Variants in ADGRD2 observed in about 807,000 individuals in gnomAD.
ADGRD2 encodes the protein G protein-coupled receptor PGR24.
ADGRD2 carries 71 observed loss-of-function variants against 44.4 expected under a neutral mutation model. The observed-to-expected ratio is 1.60, with a 90% CI of 1.32 to 1.95. ADGRD2 has a LOEUF of 1.95. ADGRD2 is among the 30% of genes most tolerant of loss of function. ADGRD2 has a pLI of 0.00. For missense variants in ADGRD2, 1,039 were observed against 512.4 expected (o/e 2.03, Z -9.92); for synonymous variants, 481 against 224.8 (o/e 2.14, Z -10.19).
intron 19 of ADGRD2, 70 bp from the exon 23 acceptor site, chr9:124,476,287 T>C: frequency 3.1e-6 from 2 of 651,940 alleles, no homozygotes; most frequent in Non-Finnish European, 5.6e-6. Context: ...AGGGCCCCAC[T>C]CCCAGGATGG....
intron 7 of ADGRD2, 109 bp from the exon 11 acceptor site, chr9:124,457,363 G>A (rs1402853690): frequency 2.0e-5 from 9 of 453,920 alleles, no homozygotes; most frequent in Non-Finnish European, 3.1e-5. Flanking sequence ...AGGAATGGTG[G>A]CCTCCTAGGC....
intron 7 of ADGRD2, 21 bp from the exon 11 acceptor site, chr9:124,457,451 C>T: frequency 1.7e-6 from 1 of 582,210 alleles, no homozygotes; most frequent in Admixed American, 2.8e-5. Context: ...GGTCCAGCCA[C>T]CCAGCCCCAT....
chr9:124,468,022 AG>A (rs756259586), intron 12 of ADGRD2, 65 bp from the exon 16 acceptor site: 1 of 717,840 alleles, frequency 1.4e-6, no homozygotes, highest in Non-Finnish European at 2.6e-6. Context: ...CGGGCAGGAC[AG>A]GGCCCTACGG....
At position 124,454,967 on chromosome 9, in the gene ADGRD2, T is replaced by A. The variant is rs1239362701; in HGVS notation, c.1235T>A (p.Leu412Gln). Reference sequence around the variant, plus strand: ...GCTCCCCTGGGGCCGGCCGCACTGCTGGCTGTTGTCCGCTTCCTGAAGAGG... The same window carrying A: ...GCTCCCCTGGGGCCGGCCGCACTGCAGGCTGTTGTCCGCTTCCTGAAGAGG... Residue 412 changes from leucine (L) to glutamine (Q), a missense_variant, in exon 6 of 22, where the codon CTG (leucine) becomes CAG (glutamine). Leu to Gln is a moderately radical substitution (Grantham distance 113, BLOSUM62 -2). Transcript: ENST00000334810. The surrounding 1 kb of genome is among the most constrained non-coding windows in gnomAD (Gnocchi z 4.5). 2.8e-6 allele frequency: 2 copies of A among 718,138 alleles called. No homozygotes were observed. Among genetic ancestry groups the A allele is most frequent in the African/African-American group, 1.7e-5 (1 of 57,284 alleles). 44.5% of individuals were successfully genotyped at this position (718,138 alleles called of 1,614,324 possible).
chr9:124,454,988 A>T lies in ADGRD2; in HGVS notation c.1256A>T (p.Lys419Met), dbSNP rs998432337. 8 of 718,344 alleles carry T rather than the reference A, an allele frequency of 1.1e-5. No homozygotes were observed. The Middle Eastern group carries it at 6.9e-4, about 62-fold the overall frequency. 44.5% of individuals were successfully genotyped at this position (718,344 alleles called of 1,614,324 possible). A position where few individuals can be genotyped will look rare whatever the true frequency, so the allele number is the denominator to read the frequency against. ...CTGCTGGCTGTTGTCCGCTTCCTGAAGAGGGTGGTGGCCCTCGGGGCTGGG... is the reference window on the plus strand; with the variant it reads ...CTGCTGGCTGTTGTCCGCTTCCTGATGAGGGTGGTGGCCCTCGGGGCTGGG... Residue 419 changes from lysine (K) to methionine (M), a missense_variant, in exon 6 of 22, where the codon AAG becomes ATG. Physicochemically the swap from Lys to Met is moderately conservative, Grantham distance 95 (BLOSUM62 -1). Transcript: ENST00000334810. The surrounding 1 kb of genome is among the most constrained non-coding windows in gnomAD (Gnocchi z 4.5).
intron 19 of ADGRD2, among the ~76,000 whole-genome samples, chr9:124,476,088 G>A (rs1377130004): frequency 6.6e-6 from 1 of 152,168 alleles, no homozygotes; most frequent in Non-Finnish European, 1.5e-5. Flanking sequence ...TCCTGCAGAT[G>A]GTGAGTAAAT....
chr9:124,474,812 G>A (rs1832014416), intron 17 of ADGRD2, among the ~76,000 whole-genome samples: 1 of 152,180 alleles, frequency 6.6e-6, no homozygotes, highest in Admixed American at 6.5e-5. Context: ...CAGACCTGCT[G>A]TTAGGGTCAA....
At chr9:124,459,168 C>T (rs1165445800) in intron 10 of ADGRD2, among the ~76,000 whole-genome samples, 1 of 152,160 alleles carries the variant, frequency 6.6e-6, no homozygotes, top group African/African-American at 2.4e-5. Context: ...TAAAAATAAC[C>T]TAAATGTCCA....
At chr9:124,460,200 ATTTT>A (rs749872013) in intron 10 of ADGRD2, among the ~76,000 whole-genome samples, 1 of 128,468 alleles carries the variant, frequency 7.8e-6, no homozygotes, top group Non-Finnish European at 1.7e-5. Context: ...CCACGCTCTG[ATTTT>A]TTTTTTTTTT....
chr9:124,467,438 G>A (rs557973651), intron 11 of ADGRD2: 124 of 406,352 alleles, frequency 3.1e-4, no homozygotes, highest in African/African-American at 2.2e-3. Context: ...CATGGTCCCC[G>A]GGATCCCTCC....
At position 124,461,235 on chromosome 9, in the gene ADGRD2, G is replaced by C. The variant is rs149702228; in HGVS notation, c.1870+2514G>C. Reference sequence around the variant, plus strand: ...TATGTCTTGTGAATAATTTCCGCTAGTCTGTGGCTTGCTTTTTGTTTTCTT... The same window carrying C: ...TATGTCTTGTGAATAATTTCCGCTACTCTGTGGCTTGCTTTTTGTTTTCTT... On this transcript the variant is annotated intron_variant, in intron 10 of 21. Coordinates refer to ENST00000334810, the Ensembl canonical transcript of ADGRD2. Among the ~76,000 whole-genome samples the C allele has an allele frequency of 1.5e-3, 223 of 152,298 alleles. 1 individual carries two copies. The highest frequency in any genetic ancestry group is 2.9e-3 in the Non-Finnish European group (196 of 68,020).
chr9:124,451,216 C>T (rs1022501312), upstream of ADGRD2: 2 of 471,826 alleles, frequency 4.2e-6, no homozygotes, highest in African/African-American at 2.0e-5. Context: ...CCAGAGAACT[C>T]GGCAGAGGCC....
intron 17 of ADGRD2, among the ~76,000 whole-genome samples, chr9:124,473,159 G>A (rs571510765): frequency 1.2e-4 from 18 of 152,258 alleles, no homozygotes; most frequent in African/African-American, 4.1e-4. Flanking sequence ...CTCACTCTCC[G>A]TCAGTCTTGG....
chr9:124,452,736 C>T lies in ADGRD2; in HGVS notation c.281+14C>T. 1 of 704,230 alleles carries T rather than the reference C, an allele frequency of 1.4e-6. No homozygotes were observed. Among genetic ancestry groups the T allele is most frequent in the South Asian group, 1.5e-5 (1 of 67,528 alleles). 43.6% of individuals were successfully genotyped at this position (704,230 alleles called of 1,614,324 possible). A position where few individuals can be genotyped will look rare whatever the true frequency, so the allele number is the denominator to read the frequency against. ...CCCCACAGAGGCGTGAGTGTGGGCC[C>T]CTGGGAAATGGGAGCAAGGGGCAGA... On this transcript the variant is annotated intron_variant, in intron 2 of 21. Transcript: ENST00000334810.
At chr9:124,460,102 A>G (rs1831698986) in intron 10 of ADGRD2, among the ~76,000 whole-genome samples, 1 of 151,822 alleles carries the variant, frequency 6.6e-6, no homozygotes, top group Non-Finnish European at 1.5e-5. Flanking sequence ...ACACACACAC[A>G]CACACACACC....
At chr9:124,464,251 G>A (rs1157489014) in intron 10 of ADGRD2, among the ~76,000 whole-genome samples, 2 of 152,026 alleles carry the variant, frequency 1.3e-5, no homozygotes, top group African/African-American at 2.4e-5. Context: ...ATATAGAAAA[G>A]GATAAAGACA....
chr9:124,453,310 G>A (rs1831537875), exon 3 of ADGRD2: 1 of 483,220 alleles, frequency 2.1e-6, no homozygotes, highest in Non-Finnish European at 3.6e-6. Context: ...CTTCCGCGCC[G>A]ACGGCCGCTG....
exon 7 of ADGRD2, chr9:124,456,710 T>A (rs771000585): frequency 5.5e-5 from 39 of 711,010 alleles, no homozygotes; most frequent in Non-Finnish European, 9.6e-5. Context: ...CGGCCCCGAA[T>A]GCGCATCCAG....
At chr9:124,456,926 G>C (rs1297661516) in intron 7 of ADGRD2, among the ~76,000 whole-genome samples, 193 bp downstream of exon 10, 1 of 152,166 alleles carries the variant, frequency 6.6e-6, no homozygotes. Context: ...AGAACCCTGT[G>C]TGGGCCTCAC....
Sources: gnomAD v4.1 joint callset for allele counts (sites outside exome capture counted in the v4.1 genomes callset) on GRCh38, gnomAD v4.1.1 for gene constraint, Gnocchi (gnomAD v3.1) non-coding constraint, MANE v1.5 for transcripts, NCBI Gene and HGNC (gene_info 2026-07-23, HGNC 2026-07-21) for gene names.